DOCK1: variants seen among roughly 807,000 people sequenced by gnomAD.
DOCK1 encodes the protein dedicator of cytokinesis protein 1.
Under a neutral mutation model 262.7 loss-of-function variants are expected in DOCK1, and 138 were observed. That is an observed-to-expected ratio of 0.53 (90% CI 0.46 to 0.61). The LOEUF (loss-of-function observed/expected upper bound fraction) is 0.61. Among genes scored for constraint, DOCK1 ranks in the 20% least tolerant of loss-of-function variants. The pLI is 0.00. For missense variants in DOCK1, 1,908 were observed against 2,370.7 expected (o/e 0.80, Z 4.05); for synonymous variants, 866 against 867.4 (o/e 1.00, Z 0.03).
chr10:127,334,471 A>T (rs1360525415), intron 29 of DOCK1, among the ~76,000 whole-genome samples: 1 of 152,176 alleles, frequency 6.6e-6, no homozygotes, highest in Non-Finnish European at 1.5e-5. Flanking sequence ...TTTTAAGTGG[A>T]TAATGTTATG....
chr10:127,408,881 C>T (rs550223286), intron 40 of DOCK1, among the ~76,000 whole-genome samples, 156 bp from the exon 41 acceptor site: 3 of 106,358 alleles, frequency 2.8e-5, no homozygotes, highest in African/African-American at 6.4e-5. Flanking sequence ...ACAAAGCCAA[C>T]GCAAGTACAA....
At chr10:127,336,755 G>C (rs577590120) in intron 29 of DOCK1, among the ~76,000 whole-genome samples, 13 of 152,180 alleles carry the variant, frequency 8.5e-5, no homozygotes, top group African/African-American at 2.9e-4. Context: ...TAGCCAGGAT[G>C]GTCTCAATCT....
intron 13 of DOCK1, among the ~76,000 whole-genome samples, chr10:127,021,622 G>A (rs2042428572): frequency 6.6e-6 from 1 of 152,316 alleles, no homozygotes; most frequent in South Asian, 2.1e-4. Flanking sequence ...TGAGCAACAA[G>A]TCTTGGTTGG....
intron 50 of DOCK1, among the ~76,000 whole-genome samples, chr10:127,444,525 A>G (rs2070406108): frequency 6.6e-6 from 1 of 152,098 alleles, no homozygotes; most frequent in Non-Finnish European, 1.5e-5. Context: ...GGTCTGTCCC[A>G]GGGTCCATGT....
intron 19 of DOCK1, 92 bp from the exon 20 acceptor site, chr10:127,042,533 T>G (rs1591786138): frequency 8.9e-7 from 1 of 1,121,252 alleles, no homozygotes; most frequent in Non-Finnish European, 1.4e-6. Flanking sequence ...GCAAAGTGGG[T>G]ATTTGGAGTA....
intron 2 of DOCK1, among the ~76,000 whole-genome samples, chr10:126,971,634 T>C (rs992263453): frequency 1.3e-5 from 2 of 151,910 alleles, no homozygotes; most frequent in Non-Finnish European, 2.9e-5. Flanking sequence ...CCCAGGCTGG[T>C]CCTGAACTCC....
At chr10:127,212,280 G>A (rs1226001952) in intron 27 of DOCK1, among the ~76,000 whole-genome samples, 1 of 152,154 alleles carries the variant, frequency 6.6e-6, no homozygotes, top group Non-Finnish European at 1.5e-5. Flanking sequence ...TCAAGTAAAA[G>A]TGGTTTTAGA....
At chr10:127,251,104 A>G (rs1311142821) in intron 28 of DOCK1, among the ~76,000 whole-genome samples, 2 of 151,810 alleles carry the variant, frequency 1.3e-5, no homozygotes, top group Non-Finnish European at 2.9e-5. Flanking sequence ...CTGGGATTAC[A>G]GGCATGCACC....
At chr10:127,270,028 C>G (rs2060504364) in intron 29 of DOCK1, among the ~76,000 whole-genome samples, 2 of 152,198 alleles carry the variant, frequency 1.3e-5, no homozygotes, top group African/African-American at 4.8e-5. Flanking sequence ...CCTTCTCCCA[C>G]CCTCAGAGCC....
chr10:127,254,152 AT>A (rs1169813056), intron 28 of DOCK1, among the ~76,000 whole-genome samples: 2 of 152,030 alleles, frequency 1.3e-5, no homozygotes, highest in East Asian at 1.9e-4. Context: ...TTCTTTCCAA[AT>A]TTTTTTGTCC....
chr10:127,006,399 C>T (rs1039930957), intron 10 of DOCK1, among the ~76,000 whole-genome samples: 2 of 152,326 alleles, frequency 1.3e-5, no homozygotes, highest in South Asian at 2.1e-4. Context: ...CCTCACACAG[C>T]TGTACTGACT....
chr10:127,141,704 T>C (rs2051273420), intron 27 of DOCK1, among the ~76,000 whole-genome samples: 1 of 151,456 alleles, frequency 6.6e-6, no homozygotes, highest in Non-Finnish European at 1.5e-5. Flanking sequence ...AAATTCTACC[T>C]CACTTTTAGT....
At chr10:126,916,201 G>C (rs1564980369) in intron 1 of DOCK1, among the ~76,000 whole-genome samples, 1 of 152,204 alleles carries the variant, frequency 6.6e-6, no homozygotes, top group Non-Finnish European at 1.5e-5. Context: ...GTGCATCTCA[G>C]CTCTGCCCAG....
intron 29 of DOCK1, among the ~76,000 whole-genome samples, chr10:127,318,698 A>G (rs1279015569): frequency 2.0e-5 from 3 of 152,198 alleles, no homozygotes; most frequent in Non-Finnish European, 2.9e-5. Flanking sequence ...CGCCAGGACT[A>G]TTTTAAATGC....
intron 6 of DOCK1, among the ~76,000 whole-genome samples, chr10:126,992,324 A>G (rs1217515702): frequency 6.6e-6 from 1 of 152,186 alleles, no homozygotes; most frequent in Non-Finnish European, 1.5e-5. Context: ...ATCATGGAAA[A>G]ATCTAGTTAA....
chr10:127,065,079 G>A (rs532811681), intron 23 of DOCK1, among the ~76,000 whole-genome samples: 2 of 152,122 alleles, frequency 1.3e-5, no homozygotes, highest in African/African-American at 4.8e-5. Context: ...GCACAGTCTC[G>A]GCTCACAGCA....
Position 126,990,515 on chromosome 10 carries a change from C to T in DOCK1, c.385C>T (p.Arg129Ter), listed in dbSNP as rs780941985. ...RHMIYDLIEW[R>*]SQILSGTLPQ... ...CATGATCTATGACCTTATTGAATGG[C>T]GATCACAAATTCTTTCTGGAACTCT... Residue 129 changes from arginine to a stop codon, truncating the protein, a stop_gained, in exon 6 of 52, where the codon CGA (arginine) becomes TGA (stop). Transcript: ENST00000623213. LOFTEE classifies it high-confidence loss of function. The T allele has an allele frequency of 3.1e-5, 50 of 1,613,176 alleles. No individual in the cohort carries two copies. Among genetic ancestry groups the T allele is most frequent in the Non-Finnish European group, 2.5e-6 (3 of 1,179,672 alleles).
At chr10:126,915,217 T>G (rs1400366881) in intron 1 of DOCK1, among the ~76,000 whole-genome samples, 1 of 152,202 alleles carries the variant, frequency 6.6e-6, no homozygotes, top group Non-Finnish European at 1.5e-5. Flanking sequence ...GCATAGAGGT[T>G]GTACATCCTC....
At chr10:126,912,583 G>C (rs1221097660) in intron 1 of DOCK1, among the ~76,000 whole-genome samples, 2 of 146,810 alleles carry the variant, frequency 1.4e-5, no homozygotes, top group Admixed American at 6.8e-5. Context: ...AAAACTAGCC[G>C]GGCGTGGTGG....
Sources: allele counts gnomAD v4.1 joint callset (sites outside exome capture counted in the v4.1 genomes callset), GRCh38; gene constraint gnomAD v4.1.1; transcripts MANE v1.5; gene names NCBI Gene and HGNC (gene_info 2026-07-23, HGNC 2026-07-21).